Variants in ZNF474 observed in about 807,000 individuals in gnomAD.
The protein encoded by ZNF474 is 4933409D10Rik.
For missense variants in ZNF474, 511 were observed against 433.8 expected (o/e 1.18, Z -1.58); for synonymous variants, 192 against 162.2 (o/e 1.18, Z -1.39).
intron 1 of ZNF474, chr5:122,147,802 A>G (rs553412587): frequency 6.6e-6 from 1 of 152,238 alleles, no homozygotes; most frequent in East Asian, 1.9e-4. Context: ...TAATGCCAAG[A>G]TGGTTTTTGG....
chr5:122,146,539 T>C (rs1755993791), intron 1 of ZNF474, among the ~76,000 whole-genome samples: 1 of 151,998 alleles, frequency 6.6e-6, no homozygotes, highest in South Asian at 2.1e-4. Flanking sequence ...AATTCCTTCA[T>C]CAAAAAAAAT....
intron 1 of ZNF474, among the ~76,000 whole-genome samples, chr5:122,140,105 T>A (rs555366679): frequency 2.0e-5 from 3 of 152,356 alleles, no homozygotes; most frequent in Admixed American, 2.0e-4. Flanking sequence ...GACCCTGGAA[T>A]TGGAAACCCT....
At position 122,129,694 on chromosome 5, in the gene ZNF474, A is replaced by G. The variant is rs1228617592; in HGVS notation, c.-213+11A>G. The G allele has an allele frequency of 1.3e-5, 2 of 152,232 alleles. No homozygotes were observed. The highest frequency in any genetic ancestry group is 2.9e-5 in the Non-Finnish European group (2 of 68,072). The allele number at this position is 152,232 out of a possible 1,614,324, so 9.4% of individuals were successfully genotyped here. ...AGGCAAAATAAAAAGGTAAAGAACA[A>G]ATGTCACAAGGTGAGGCTCTCGCAG... On this transcript the variant is annotated intron_variant, in intron 1 of 1. Transcript: ENST00000296600.
In ZNF474 at chr5:122,152,903, A is replaced by G; in HGVS notation, c.913A>G (p.Ser305Gly). Residue 305 changes from serine (S) to glycine (G), a missense_variant, in exon 2 of 2, where the codon AGT (serine) becomes GGT (glycine). Ser to Gly is a moderately conservative substitution (Grantham distance 56, BLOSUM62 0). Coordinates refer to ENST00000296600, the MANE Select transcript of ZNF474 (RefSeq NM_207317.3). ...TSDRLLVHQRSCKTHPYGPKY... is the reference protein window; with the variant it reads ...TSDRLLVHQRGCKTHPYGPKY... The stretch of plus-strand genomic sequence containing the variant: ...AGACCGCCTCCTGGTACACCAGAGA[A>G]GTTGTAAAACTCATCCTTATGGGCC... The G allele has an allele frequency of 1.2e-6, 2 of 1,613,918 alleles. No individual in the cohort carries two copies. Among genetic ancestry groups the G allele is most frequent in the East Asian group, 2.2e-5 (1 of 44,852 alleles).
intron 1 of ZNF474, among the ~76,000 whole-genome samples, chr5:122,148,445 T>C (rs959556692): frequency 1.2e-4 from 18 of 152,190 alleles, no homozygotes; most frequent in African/African-American, 4.3e-4. Context: ...TGCACAAATG[T>C]TTGTGTGCGG....
Position 122,152,720 on chromosome 5 carries a change from CTGGAAAAG to C in ZNF474, c.738_745del (p.Lys246AsnfsTer4), listed in dbSNP as rs1756226643. 1 of 1,613,990 alleles carries C rather than the reference CTGGAAAAG, an allele frequency of 6.2e-7. No individual in the cohort carries two copies. Among genetic ancestry groups the C allele is most frequent in the African/African-American group, 1.3e-5 (1 of 74,888 alleles). On this transcript the variant is annotated frameshift_variant, in exon 2 of 2. Transcript: ENST00000296600. LOFTEE classifies it low-confidence loss of function (END_TRUNC). ...CCTTCCTATTCATGAGCCCAAATGC[CTGGAAAAG>C]TGGAAAATGGAAAATGACCGGCTCC...
chr5:122,138,530 T>C (rs1310396547), intron 1 of ZNF474, among the ~76,000 whole-genome samples: 1 of 152,148 alleles, frequency 6.6e-6, no homozygotes, highest in African/African-American at 2.4e-5. Flanking sequence ...GGACTGGAAA[T>C]AGAAGAAAAA....
intron 1 of ZNF474, among the ~76,000 whole-genome samples, chr5:122,145,909 T>C (rs544171081): frequency 6.6e-6 from 1 of 152,220 alleles, no homozygotes; most frequent in Non-Finnish European, 1.5e-5. Flanking sequence ...AGGCACCCTA[T>C]GGAGTTGAAA....
intron 1 of ZNF474, among the ~76,000 whole-genome samples, chr5:122,134,564 A>G (rs1755654078): frequency 6.6e-6 from 1 of 152,250 alleles, no homozygotes; most frequent in Non-Finnish European, 1.5e-5. Flanking sequence ...ACAAACATAA[A>G]TGAATAAACA....
At chr5:122,147,276 CTTTCTTG>C (rs1756016776) in intron 1 of ZNF474, among the ~76,000 whole-genome samples, 1 of 152,152 alleles carries the variant, frequency 6.6e-6, no homozygotes, top group African/African-American at 2.4e-5. Flanking sequence ...CCAACTCCAT[CTTTCTTG>C]TTTATGTTTT....
chr5:122,135,491 A>G (rs1755678661), intron 1 of ZNF474, among the ~76,000 whole-genome samples: 1 of 152,200 alleles, frequency 6.6e-6, no homozygotes. Flanking sequence ...GACAGGCAAT[A>G]TTGATTGGTG....
chr5:122,152,460 C>T lies in ZNF474; in HGVS notation c.470C>T (p.Ala157Val), dbSNP rs369013648. The T allele has an allele frequency of 1.2e-6, 2 of 1,614,084 alleles. No homozygotes were observed. Among genetic ancestry groups the T allele is most frequent in the Non-Finnish European group, 1.7e-6 (2 of 1,180,044 alleles). Residue 157 changes from alanine to valine, a missense_variant, in exon 2 of 2, where the codon GCA (alanine) becomes GTA (valine). Ala to Val is a moderately conservative substitution (Grantham distance 64). Coordinates refer to ENST00000296600, the MANE Select transcript of ZNF474 (RefSeq NM_207317.3). Reference protein sequence around the residue: ...SYSLQATNEAAFQSAQAQLLP... With the variant: ...SYSLQATNEAVFQSAQAQLLP... The stretch of plus-strand genomic sequence containing the variant: ...AGTCTTCAGGCAACTAACGAGGCTG[C>T]ATTTCAGAGTGCCCAGGCTCAGCTG...
At chr5:122,149,275 C>A (rs1275574017) in intron 1 of ZNF474, among the ~76,000 whole-genome samples, 1 of 152,038 alleles carries the variant, frequency 6.6e-6, no homozygotes, top group Non-Finnish European at 1.5e-5. Flanking sequence ...GCACATGTAC[C>A]CCGAACCTAT....
chr5:122,152,469 G>A lies in ZNF474; in HGVS notation c.479G>A (p.Ser160Asn). ...LQATNEAAFQ[S>N]AQAQLLPCES... is the part of the protein sequence containing the mutation. ...GCAACTAACGAGGCTGCATTTCAGA[G>A]TGCCCAGGCTCAGCTGCTGCCCTGT... Residue 160 changes from serine (S) to asparagine (N), a missense_variant, in exon 2 of 2, where the codon AGT becomes AAT. Physicochemically the swap from Ser to Asn is conservative, Grantham distance 46. Transcript: ENST00000296600. The A allele has an allele frequency of 1.2e-6, 2 of 1,614,182 alleles. No individual in the cohort carries two copies. Among genetic ancestry groups the A allele is most frequent in the Non-Finnish European group, 1.7e-6 (2 of 1,180,028 alleles).
chr5:122,141,124 T>G (rs1755829842), intron 1 of ZNF474, among the ~76,000 whole-genome samples: 1 of 46,402 alleles, frequency 2.2e-5, no homozygotes, highest in African/African-American at 4.4e-5. Context: ...TATTTTATTT[T>G]ATTTTATTTT....
At chr5:122,148,739 T>C (rs1484509221) in intron 1 of ZNF474, among the ~76,000 whole-genome samples, 1 of 149,678 alleles carries the variant, frequency 6.7e-6, no homozygotes, top group Non-Finnish European at 1.5e-5. Flanking sequence ...CTTTTTTTTC[T>C]TTTTTTTTTC....
rs143759385 is a variant in ZNF474 at position 122,152,243 on chromosome 5, C to A, written c.253C>A (p.Pro85Thr). The change falls in exon 2 of 2, where the codon CCT becomes ACT. Residue 85 changes from proline to threonine, a missense_variant. Transcript: ENST00000296600. ...RIISESQLSP[P>T]VIPARRPGFR... The stretch of plus-strand genomic sequence containing the variant: ...TATATCGGAAAGCCAGCTTAGCCCC[C>A]CTGTGATCCCGGCCCGCAGGCCTGG... 132 of 1,614,092 alleles carry A rather than the reference C, an allele frequency of 8.2e-5. No homozygotes were observed. Among genetic ancestry groups the A allele is most frequent in the Non-Finnish European group, 1.0e-4 (123 of 1,180,042 alleles).
At chr5:122,132,969 A>G (rs1443198105) in intron 1 of ZNF474, among the ~76,000 whole-genome samples, 1 of 152,192 alleles carries the variant, frequency 6.6e-6, no homozygotes, top group African/African-American at 2.4e-5. Flanking sequence ...CTAGTGAACC[A>G]TACGCAAGAA....
chr5:122,130,834 C>CT (rs1467877441), intron 1 of ZNF474, among the ~76,000 whole-genome samples: 2 of 152,076 alleles, frequency 1.3e-5, no homozygotes, highest in Non-Finnish European at 1.5e-5. Flanking sequence ...ACATAGTTAC[C>CT]TTTTTTTGGC....
Sources: gnomAD v4.1 joint callset for allele counts (sites outside exome capture counted in the v4.1 genomes callset) on GRCh38, gnomAD v4.1.1 for gene constraint, MANE v1.5 for transcripts, NCBI Gene and HGNC (gene_info 2026-07-23, HGNC 2026-07-21) for gene names.